The following RBFOX1 variants were observed in gnomAD, a reference collection of about 807,000 sequenced individuals.
The protein encoded by RBFOX1 is RNA binding fox-1 homolog 1.
Under a neutral mutation model 57.7 loss-of-function variants are expected in RBFOX1, and 8 were observed. That is an observed-to-expected ratio of 0.14 (90% CI 0.08 to 0.25). RBFOX1 has a LOEUF of 0.25. Among genes scored for constraint, RBFOX1 ranks in the 10% least tolerant of loss-of-function variants. The pLI, the probability that RBFOX1 is intolerant of heterozygous loss-of-function variation, is 1.00. For synonymous variants in RBFOX1, 326 were observed against 222.4 expected (o/e 1.47, Z -4.15); for missense variants, 611 against 548.5 (o/e 1.11, Z -1.14).
chr16:6,852,036 C>T (rs1000809306), intron 3 of RBFOX1, among the ~76,000 whole-genome samples: 25 of 151,672 alleles, frequency 1.6e-4, no homozygotes, highest in African/African-American at 6.1e-4. Context: ...TGCCATTCTC[C>T]TGACTCAGTC....
At chr16:6,912,855 A>T (rs1478649795) in intron 3 of RBFOX1, among the ~76,000 whole-genome samples, 1 of 152,004 alleles carries the variant, frequency 6.6e-6, no homozygotes. Context: ...CCTGAGCTCA[A>T]GTGATCCTCT....
At chr16:5,431,972 G>A (rs2067752156) in intron 1 of RBFOX1, among the ~76,000 whole-genome samples, 1 of 152,152 alleles carries the variant, frequency 6.6e-6, no homozygotes. Flanking sequence ...TGAGGGGGGT[G>A]TCTGCAGATC....
At chr16:6,890,684 G>T (rs1288955503) in intron 3 of RBFOX1, among the ~76,000 whole-genome samples, 1 of 152,172 alleles carries the variant, frequency 6.6e-6, no homozygotes, top group Admixed American at 6.5e-5. Context: ...TCTGTCCCCA[G>T]TTTCCTGGGA....
rs564688045 is a variant in RBFOX1, at chr16:6,969,761, G to C, written c.-15-82296G>C. 4.0e-5 allele frequency among the ~76,000 whole-genome samples: 6 copies of C among 151,856 alleles called. No individual in the cohort carries two copies. The South Asian group carries it at 1.0e-3, about 26-fold the overall frequency. On this transcript the variant is annotated intron_variant, in intron 3 of 15. Coordinates refer to ENST00000550418, the MANE Select transcript of RBFOX1 (RefSeq NM_018723.4). ...CCTGTCTCAAATAAATAAAAATAAG[G>C]TAACGTATCTTAATTGCTGAGCTCT...
chr16:7,043,164 G>A (rs1424824972), intron 3 of RBFOX1, among the ~76,000 whole-genome samples: 2 of 152,070 alleles, frequency 1.3e-5, no homozygotes, highest in Admixed American at 1.3e-4. Flanking sequence ...TAGATCAAGG[G>A]TCTCAGCTCC....
At chr16:5,322,448 C>G (rs1285254379) in intron 1 of RBFOX1, among the ~76,000 whole-genome samples, 1 of 152,106 alleles carries the variant, frequency 6.6e-6, no homozygotes, top group Non-Finnish European at 1.5e-5. Flanking sequence ...CTGGGCATGG[C>G]CAGAGGTGCA....
intron 3 of RBFOX1, among the ~76,000 whole-genome samples, chr16:6,918,628 C>G (rs932562918): frequency 6.6e-6 from 1 of 152,148 alleles, no homozygotes; most frequent in Non-Finnish European, 1.5e-5. Flanking sequence ...TCATACCCTT[C>G]TCAGTGAAAA....
intron 4 of RBFOX1, among the ~76,000 whole-genome samples, chr16:7,305,109 G>A (rs1335737229): frequency 6.6e-6 from 1 of 151,696 alleles, no homozygotes; most frequent in African/African-American, 2.4e-5. Context: ...GTTGGCATGT[G>A]TTAGGGTGTT....
chr16:5,533,476 T>C (rs2044568538), intron 2 of RBFOX1, among the ~76,000 whole-genome samples: 1 of 152,094 alleles, frequency 6.6e-6, no homozygotes, highest in South Asian at 2.1e-4. Flanking sequence ...CACACATTTT[T>C]TTCTGATGGT....
intron 11 of RBFOX1, among the ~76,000 whole-genome samples, chr16:7,650,160 T>G (rs2064704382): frequency 1.3e-5 from 2 of 152,018 alleles, no homozygotes; most frequent in South Asian, 2.1e-4. Context: ...TCGATGAGCA[T>G]TTTTCTAACT....
chr16:6,911,319 C>G (rs541076025), intron 3 of RBFOX1, among the ~76,000 whole-genome samples: 1 of 151,978 alleles, frequency 6.6e-6, no homozygotes, highest in Non-Finnish European at 1.5e-5. Context: ...AATGTTTTGC[C>G]TTACACTTGT....
chr16:7,700,295 C>G (rs563288240), intron 14 of RBFOX1, among the ~76,000 whole-genome samples: 1 of 152,118 alleles, frequency 6.6e-6, no homozygotes, highest in African/African-American at 2.4e-5. Flanking sequence ...GTAATCATAA[C>G]CCTCCTCTCA....
chr16:5,298,001 T>G (rs1369162851), intron 1 of RBFOX1, among the ~76,000 whole-genome samples: 1 of 151,856 alleles, frequency 6.6e-6, no homozygotes, highest in Non-Finnish European at 1.5e-5. Flanking sequence ...CAGCTAGAAT[T>G]GAACACAATG....
intron 2 of RBFOX1, among the ~76,000 whole-genome samples, chr16:6,515,896 A>G (rs1401324582): frequency 2.6e-5 from 4 of 152,072 alleles, no homozygotes; most frequent in African/African-American, 4.8e-5. Flanking sequence ...GCTTTGCATA[A>G]TTTTCCTTGA....
At chr16:6,700,501 A>C (rs571332137) in intron 3 of RBFOX1, among the ~76,000 whole-genome samples, 1 of 152,030 alleles carries the variant, frequency 6.6e-6, no homozygotes, top group Non-Finnish European at 1.5e-5. Flanking sequence ...CTACTAAAAT[A>C]CAAAAAATCA....
intron 4 of RBFOX1, among the ~76,000 whole-genome samples, chr16:7,511,251 T>A (rs2075003972): frequency 6.6e-6 from 1 of 152,236 alleles, no homozygotes; most frequent in African/African-American, 2.4e-5. Flanking sequence ...GCCAAAAGGT[T>A]TTGCAAACCC....
At chr16:7,211,134 GTAATCCC>G (rs2091043618) in intron 4 of RBFOX1, among the ~76,000 whole-genome samples, 1 of 150,502 alleles carries the variant, frequency 6.6e-6, no homozygotes, top group Admixed American at 6.6e-5. Flanking sequence ...GCTCACACCT[GTAATCCC>G]AGCACTTTGG....
At chr16:6,235,364 C>G (rs983006662) in intron 1 of RBFOX1, among the ~76,000 whole-genome samples, 1 of 152,146 alleles carries the variant, frequency 6.6e-6, no homozygotes, top group African/African-American at 2.4e-5. Context: ...TCCCTTTCCA[C>G]CAGCCCCAGC....
chr16:6,456,488 A>G (rs1169697700), intron 2 of RBFOX1, among the ~76,000 whole-genome samples: 1 of 152,236 alleles, frequency 6.6e-6, no homozygotes, highest in Non-Finnish European at 1.5e-5. Context: ...GCCACAGTCA[A>G]TGAACCTAGA....
Sources: allele counts gnomAD v4.1 joint callset (sites outside exome capture counted in the v4.1 genomes callset), GRCh38; gene constraint gnomAD v4.1.1; transcripts MANE v1.5; gene names NCBI Gene and HGNC (gene_info 2026-07-23, HGNC 2026-07-21).